POC5: variants seen among roughly 807,000 people sequenced by gnomAD.
The protein encoded by POC5 is POC5 centriolar protein.
POC5 carries 48 observed loss-of-function variants against 62.9 expected under a neutral mutation model. That is an observed-to-expected ratio of 0.76 (90% CI 0.61 to 0.97). The LOEUF (loss-of-function observed/expected upper bound fraction) is 0.97. POC5 is among the 50% of genes least tolerant of loss of function. The pLI, the probability that POC5 is intolerant of heterozygous loss-of-function variation, is 0.00. For synonymous variants in POC5, 236 were observed against 228.2 expected (o/e 1.03, Z -0.31); for missense variants, 696 against 679.5 (o/e 1.02, Z -0.27).
chr5:75,700,480 A>C (rs1474877076), intron 5 of POC5, among the ~76,000 whole-genome samples: 3 of 151,862 alleles, frequency 2.0e-5, no homozygotes, highest in Non-Finnish European at 4.4e-5. Flanking sequence ...AGGATTCCCT[A>C]TTTAATAAAT....
intron 1 of POC5, 53 bp from the exon 2 acceptor site, chr5:75,713,004 T>A (rs1326934394): frequency 2.3e-6 from 3 of 1,293,168 alleles, no homozygotes; most frequent in Non-Finnish European, 3.3e-6. Flanking sequence ...TAAGATAAAA[T>A]CCTTTCCAGA....
intron 1 of POC5, among the ~76,000 whole-genome samples, chr5:75,716,559 T>C (rs969287973): frequency 3.9e-5 from 6 of 152,194 alleles, no homozygotes; most frequent in African/African-American, 1.4e-4. Context: ...TATTTGAAAC[T>C]CTAGAACAGT....
At chr5:75,707,498 C>T (rs757386981) in intron 3 of POC5, 1 of 366,250 alleles carries the variant, frequency 2.7e-6, no homozygotes, top group Non-Finnish European at 5.0e-6. Flanking sequence ...AGCATTGCTT[C>T]AACTTTATTA....
At chr5:75,674,689 T>A in intron 11 of POC5, 111 bp from the exon 12 acceptor site, 1 of 1,358,560 alleles carries the variant, frequency 7.4e-7, no homozygotes, top group Non-Finnish European at 1.0e-6. Context: ...TAAGATCCAG[T>A]AGAAAGAAGC....
At chr5:75,676,640 G>A (rs1775667790) in intron 11 of POC5, among the ~76,000 whole-genome samples, 1 of 152,034 alleles carries the variant, frequency 6.6e-6, no homozygotes, top group Non-Finnish European at 1.5e-5. Context: ...AGAATTTATA[G>A]AGGGCATTCT....
At chr5:75,706,568 TC>T (rs1467636532) in intron 3 of POC5, among the ~76,000 whole-genome samples, 1 of 150,206 alleles carries the variant, frequency 6.7e-6, no homozygotes. Context: ...GAAAGTTTTT[TC>T]TTTTTTTTTT....
chr5:75,711,821 T>C (rs1259978358), intron 2 of POC5, among the ~76,000 whole-genome samples: 2 of 152,238 alleles, frequency 1.3e-5, no homozygotes, highest in African/African-American at 2.4e-5. Context: ...TAGAGAGTTA[T>C]TCTTTTGATT....
At chr5:75,699,119 A>T (rs1465472569) in intron 5 of POC5, among the ~76,000 whole-genome samples, 1 of 152,250 alleles carries the variant, frequency 6.6e-6, no homozygotes, top group African/African-American at 2.4e-5. Flanking sequence ...ATGGATTCAC[A>T]GCTGAATTCT....
intron 3 of POC5, among the ~76,000 whole-genome samples, chr5:75,707,020 C>T (rs72633983): frequency 0.17 from 26,030 of 152,112 alleles, 2,416 homozygotes; most frequent in South Asian, 0.21. Context: ...CTATGTCATG[C>T]GCCTTCAAGG....
chr5:75,677,621 T>TTA (rs1190149495), intron 11 of POC5, 153 bp downstream of exon 11: 3 of 390,862 alleles, frequency 7.7e-6, no homozygotes, highest in African/African-American at 4.3e-5. Flanking sequence ...GTATATATAT[T>TTA]AAAAAAAAAA....
At chr5:75,692,933 C>T (rs894756498) in intron 6 of POC5, among the ~76,000 whole-genome samples, 5 of 151,204 alleles carry the variant, frequency 3.3e-5, no homozygotes, top group East Asian at 3.9e-4. Flanking sequence ...AGTTCCTCAA[C>T]GACTGTCCAA....
At chr5:75,688,810 C>A (rs1007988386) in intron 9 of POC5, among the ~76,000 whole-genome samples, 1 of 152,150 alleles carries the variant, frequency 6.6e-6, no homozygotes, top group African/African-American at 2.4e-5. Context: ...TTGATCAGAT[C>A]TAAGATACCA....
chr5:75,700,461 A>C (rs1186847138), intron 5 of POC5, among the ~76,000 whole-genome samples: 1 of 151,998 alleles, frequency 6.6e-6, no homozygotes, highest in Non-Finnish European at 1.5e-5. Context: ...AAAAACAAGC[A>C]ATGAGGAAAG....
At chr5:75,711,989 G>A (rs1300288956) in intron 2 of POC5, among the ~76,000 whole-genome samples, 1 of 152,156 alleles carries the variant, frequency 6.6e-6, no homozygotes, top group Non-Finnish European at 1.5e-5. Context: ...CATGGGACAG[G>A]TACCATCAAA....
At position 75,674,391 on chromosome 5, in the gene POC5, T is replaced by C; in HGVS notation, c.*44A>G. ...AAACCAAAAGACTTCTAACCCTTGG[T>C]AAGACCAGAGGGATTAAAAGACCCC... On this transcript the variant is annotated 3_prime_UTR_variant, in exon 12 of 12. Coordinates refer to ENST00000428202, the MANE Select transcript of POC5 (RefSeq NM_001099271.2). 1.3e-6 allele frequency: 2 copies of C among 1,582,006 alleles called. No individual in the cohort carries two copies. The highest frequency in any genetic ancestry group is 1.7e-4 in the Middle Eastern group (1 of 5,926).
intron 10 of POC5, among the ~76,000 whole-genome samples, chr5:75,682,745 G>A (rs1489752306): frequency 6.6e-6 from 1 of 152,062 alleles, no homozygotes; most frequent in Non-Finnish European, 1.5e-5. Context: ...TCAATCTCCT[G>A]ACCTTGTGAT....
chr5:75,707,675 A>G (rs1777180827), intron 3 of POC5, 62 bp downstream of exon 3: 33 of 1,279,156 alleles, frequency 2.6e-5, no homozygotes, highest in Admixed American at 8.6e-5. Context: ...CAATCCTGTC[A>G]GTATCATTAA....
At chr5:75,712,662 T>A (rs972809402) in intron 2 of POC5, 192 bp downstream of exon 2, 1 of 717,792 alleles carries the variant, frequency 1.4e-6, no homozygotes, top group African/African-American at 1.8e-5. Context: ...TTCATCAATA[T>A]TTTCTGAAAA....
chr5:75,697,800 A>T (rs1013974031), intron 5 of POC5, among the ~76,000 whole-genome samples: 22 of 150,888 alleles, frequency 1.5e-4, no homozygotes, highest in Non-Finnish European at 2.7e-4. Flanking sequence ...AAGATCCATC[A>T]GTGTGCTGTA....
Sources: gnomAD v4.1 joint callset for allele counts (sites outside exome capture counted in the v4.1 genomes callset) on GRCh38, gnomAD v4.1.1 for gene constraint, MANE v1.5 for transcripts, NCBI Gene and HGNC (gene_info 2026-07-23, HGNC 2026-07-21) for gene names.